AMZ1: variants seen among roughly 807,000 people sequenced by gnomAD.
AMZ1 encodes archaelysin family metallopeptidase 1.
Under a neutral mutation model 29.9 loss-of-function variants are expected in AMZ1, and 39 were observed. That is an observed-to-expected ratio of 1.30 (90% CI 1.01 to 1.70). AMZ1 has a LOEUF of 1.70. Ranked by LOEUF, AMZ1 falls within the 40% of genes most tolerant of loss-of-function variation. The pLI is 0.00. For missense variants in AMZ1, 1,041 were observed against 680.6 expected, an observed-to-expected ratio of 1.53 and a Z score of -5.89; for synonymous variants, 458 against 304.0, an observed-to-expected ratio of 1.51 and a Z score of -5.27.
At chr7:2,754,506 G>T (rs1215283692) in intron 4 of AMZ1, among the ~76,000 whole-genome samples, 1 of 151,924 alleles carries the variant, frequency 6.6e-6, no homozygotes, top group Non-Finnish European at 1.5e-5. Context: ...ACTTTGGGAG[G>T]CCAGGGCAGG....
downstream of AMZ1, among the ~76,000 whole-genome samples, chr7:2,721,321 C>T (rs564536929): frequency 4.6e-5 from 7 of 152,234 alleles, no homozygotes; most frequent in Non-Finnish European, 8.8e-5. Flanking sequence ...GTGAGGAGGC[C>T]TCTGCTTCGG....
intron 4 of AMZ1, among the ~76,000 whole-genome samples, chr7:2,732,261 A>G (rs1274526169): frequency 6.6e-6 from 1 of 152,160 alleles, no homozygotes; most frequent in Non-Finnish European, 1.5e-5. Flanking sequence ...CACTATTAAT[A>G]ATCCTCCAGG....
chr7:2,692,412 G>A (rs918185913), intron 1 of AMZ1, among the ~76,000 whole-genome samples: 4 of 152,182 alleles, frequency 2.6e-5, no homozygotes, highest in Non-Finnish European at 4.4e-5. Context: ...TGTGGTGGCG[G>A]GCGCCTTTAG....
At chr7:2,739,677 G>A (rs1227808471) in intron 4 of AMZ1, among the ~76,000 whole-genome samples, 4 of 152,076 alleles carry the variant, frequency 2.6e-5, no homozygotes, top group African/African-American at 4.8e-5. Flanking sequence ...TCCTATGGTA[G>A]TTCTTTTTTT....
intron 1 of AMZ1, among the ~76,000 whole-genome samples, chr7:2,693,118 G>C (rs1385513328): frequency 6.6e-6 from 1 of 152,158 alleles, no homozygotes; most frequent in Non-Finnish European, 1.5e-5. Context: ...TGTTTGTTTT[G>C]AGATGGAGTT....
At chr7:2,733,063 C>T (rs1440746059) in intron 4 of AMZ1, among the ~76,000 whole-genome samples, 1 of 152,210 alleles carries the variant, frequency 6.6e-6, no homozygotes, top group African/African-American at 2.4e-5. Context: ...AAAATATTCT[C>T]TGCATTTGCT....
At chr7:2,735,185 C>G (rs1003794656) in intron 4 of AMZ1, among the ~76,000 whole-genome samples, 12 of 152,370 alleles carry the variant, frequency 7.9e-5, no homozygotes, top group Admixed American at 7.8e-4. Flanking sequence ...CTGCCCTCCC[C>G]TGGGCCTCGG....
At chr7:2,749,040 G>A (rs898384444) in intron 4 of AMZ1, among the ~76,000 whole-genome samples, 2 of 152,154 alleles carry the variant, frequency 1.3e-5, no homozygotes, top group African/African-American at 2.4e-5. Context: ...TGGAGAAATA[G>A]GAACACTTTT....
upstream of AMZ1, among the ~76,000 whole-genome samples, chr7:2,687,602 G>A (rs1787132340): frequency 6.6e-6 from 1 of 152,242 alleles, no homozygotes; most frequent in African/African-American, 2.4e-5. Flanking sequence ...GCTGGCACAG[G>A]GCCAGGGCTG....
At chr7:2,744,229 G>A (rs181188446) in intron 4 of AMZ1, among the ~76,000 whole-genome samples, 2 of 152,354 alleles carry the variant, frequency 1.3e-5, no homozygotes, top group Admixed American at 6.5e-5. Context: ...CTCCTCAAGT[G>A]GGTCCCTGAC....
Position 2,709,170 on chromosome 7 carries a change from G to GGCCCCGAGGCCCCCCTGCAGGACAGGGGC in AMZ1, c.698_726dup (p.Trp243AlafsTer68). 2.6e-6 allele frequency: 4 copies of GGCCCCGAGGCCCCCCTGCAGGACAGGGGC among 1,548,082 alleles called. No homozygotes were observed. The highest frequency in any genetic ancestry group is 3.5e-6 in the Non-Finnish European group (4 of 1,149,080). ...GGCCCTGGTAGAGGCAGCAGCAGAC[G>GGCCCCGAGGCCCCCCTGCAGGACAGGGGC]GCCCCGAGGCCCCCCTGCAGGACAG... On this transcript the variant is annotated frameshift_variant, in exon 5 of 7. Coordinates refer to ENST00000683327, the MANE Select transcript of AMZ1 (RefSeq NM_001384743.1). LOFTEE classifies it high-confidence loss of function.
upstream of AMZ1, among the ~76,000 whole-genome samples, chr7:2,760,706 CAG>C (rs1268306240): frequency 6.6e-6 from 1 of 152,236 alleles, no homozygotes; most frequent in Non-Finnish European, 1.5e-5. Context: ...TTTCCTTCTA[CAG>C]GCAGCTTATC....
downstream of AMZ1, among the ~76,000 whole-genome samples, chr7:2,722,339 C>T (rs919827651): frequency 6.6e-6 from 1 of 151,328 alleles, no homozygotes; most frequent in African/African-American, 2.4e-5. Flanking sequence ...GTGGCGCGAT[C>T]TCGGCTCACT....
upstream of AMZ1, chr7:2,762,492 G>T: frequency 1.3e-6 from 1 of 788,464 alleles, no homozygotes; most frequent in Non-Finnish European, 1.9e-6. Context: ...CGGGGCCTGA[G>T]GTGTGAGTAG....
At chr7:2,746,795 G>A (rs1790785773) in intron 4 of AMZ1, among the ~76,000 whole-genome samples, 2 of 152,200 alleles carry the variant, frequency 1.3e-5, no homozygotes, top group Non-Finnish European at 1.5e-5. Flanking sequence ...GAAGAAAAGA[G>A]AGAAGAATCA....
rs77758578 is a variant in AMZ1 at position 2,718,065 on chromosome 7, G to C, written c.*5187G>C. 9.6e-3 allele frequency among the ~76,000 whole-genome samples: 1,461 copies of C among 152,312 alleles called. 24 individuals are homozygous for C. Among genetic ancestry groups the C allele is most frequent in the African/African-American group, 0.033 (1,363 of 41,560 alleles). On this transcript the variant is annotated 3_prime_UTR_variant, in exon 7 of 7. Coordinates refer to ENST00000683327, the MANE Select transcript of AMZ1 (RefSeq NM_001384743.1). ...GCCCGTCCAACCTCCTGCCCTCTCT[G>C]AGAGGGGCCCGAGCTCTCGCAAGAT...
At chr7:2,680,932 C>T (rs1786860084) in intron 1 of AMZ1, among the ~76,000 whole-genome samples, 1 of 152,244 alleles carries the variant, frequency 6.6e-6, no homozygotes, top group African/African-American at 2.4e-5. Flanking sequence ...AGTCACCAGA[C>T]ACCAGGCCTT....
At chr7:2,757,441 T>G (rs533992924) in intron 4 of AMZ1, among the ~76,000 whole-genome samples, 1 of 152,230 alleles carries the variant, frequency 6.6e-6, no homozygotes, top group South Asian at 2.1e-4. Context: ...AGGGCACCCC[T>G]AGGAGCTGCC....
chr7:2,689,493 T>A (rs1787259830), intron 1 of AMZ1, among the ~76,000 whole-genome samples: 1 of 152,140 alleles, frequency 6.6e-6, no homozygotes, highest in Admixed American at 6.5e-5. Context: ...ACTCGGGTGC[T>A]CTGGGAGAGG....
Sources: allele counts gnomAD v4.1 joint callset (sites outside exome capture counted in the v4.1 genomes callset), GRCh38; gene constraint gnomAD v4.1.1; transcripts MANE v1.5; gene names NCBI Gene and HGNC (gene_info 2026-07-23, HGNC 2026-07-21).